Variants in RASSF3 observed in about 807,000 individuals in gnomAD.
RASSF3 encodes ras association domain-containing protein 3.
Under a neutral mutation model 19.9 loss-of-function variants are expected in RASSF3, and 19 were observed. That is an observed-to-expected ratio of 0.96 (90% CI 0.67 to 1.40). The LOEUF (loss-of-function observed/expected upper bound fraction) is 1.40. Ranked by LOEUF, RASSF3 falls within the 40% of genes most tolerant of loss-of-function variation. The pLI, the probability that RASSF3 is intolerant of heterozygous loss-of-function variation, is 0.00. For synonymous variants in RASSF3, 110 were observed against 104.2 expected (o/e 1.06, Z -0.34); for missense variants, 306 against 289.8 (o/e 1.06, Z -0.41).
chr12:64,579,990 T>G (rs1194415573), intron 2 of RASSF3, among the ~76,000 whole-genome samples: 1 of 151,954 alleles, frequency 6.6e-6, no homozygotes, highest in African/African-American at 2.4e-5. Flanking sequence ...AATTTTTGTT[T>G]TTTCAGTAGA....
At chr12:64,630,553 G>A (rs980547157) in intron 1 of RASSF3, among the ~76,000 whole-genome samples, 1 of 152,094 alleles carries the variant, frequency 6.6e-6, no homozygotes, top group African/African-American at 2.4e-5. Context: ...TAAAAAAAGG[G>A]TGCTTAGAAA....
intron 1 of RASSF3, among the ~76,000 whole-genome samples, chr12:64,666,719 G>A (rs1051896143): frequency 2.6e-5 from 4 of 152,006 alleles, no homozygotes; most frequent in African/African-American, 7.3e-5. Context: ...TCCTTATCCC[G>A]CCACTGTCCC....
At chr12:64,689,927 T>TA (rs1302800982) in intron 3 of RASSF3, among the ~76,000 whole-genome samples, 2 of 147,934 alleles carry the variant, frequency 1.4e-5, no homozygotes, top group East Asian at 2.0e-4. Context: ...AGCTGGGACT[T>TA]ACAGGCGCCC....
At chr12:64,674,469 A>G (rs1047612319) in intron 1 of RASSF3, among the ~76,000 whole-genome samples, 4 of 152,048 alleles carry the variant, frequency 2.6e-5, no homozygotes, top group African/African-American at 9.7e-5. Context: ...TAATCCCAAC[A>G]CTTTGGGAGG....
At chr12:64,636,083 G>A (rs1232285917) in intron 1 of RASSF3, among the ~76,000 whole-genome samples, 1 of 151,632 alleles carries the variant, frequency 6.6e-6, no homozygotes, top group African/African-American at 2.4e-5. Context: ...CAATTCCAAA[G>A]AAGTTGGGGG....
downstream of RASSF3, among the ~76,000 whole-genome samples, chr12:64,543,529 C>T (rs1459609596): frequency 2.1e-5 from 2 of 93,060 alleles, no homozygotes; most frequent in African/African-American, 7.2e-5. Context: ...CCCCCGCTCT[C>T]CCCCGCCCCC....
intron 2 of RASSF3, among the ~76,000 whole-genome samples, chr12:64,586,505 A>AAAAAAAAAAAAAAAAAAC (rs1869805143): frequency 6.6e-6 from 1 of 150,568 alleles, no homozygotes; most frequent in African/African-American, 2.4e-5. Flanking sequence ...AAAAAAAAAA[A>AAAAAAAAAAAAAAAAAAC]AAAAAAAAAA....
At chr12:64,542,787 G>A (rs1868955840), downstream of RASSF3, among the ~76,000 whole-genome samples, 1 of 152,164 alleles carries the variant, frequency 6.6e-6, no homozygotes, top group South Asian at 2.1e-4. Context: ...GGCAGCCCTC[G>A]CTCGCTCTTG....
intron 1 of RASSF3, among the ~76,000 whole-genome samples, chr12:64,537,211 T>A (rs1271219898): frequency 6.6e-6 from 1 of 152,214 alleles, no homozygotes; most frequent in Non-Finnish European, 1.5e-5. Flanking sequence ...TATTCTCTCC[T>A]TGCCCTAGTT....
chr12:64,516,998 C>T (rs1351060742), intron 1 of RASSF3, among the ~76,000 whole-genome samples: 4 of 51,968 alleles, frequency 7.7e-5, no homozygotes, highest in African/African-American at 2.8e-4. Context: ...AAATCTGTCT[C>T]AAAAAAAAAA....
At chr12:64,630,412 GCTA>G (rs1245205065) in intron 1 of RASSF3, among the ~76,000 whole-genome samples, 1 of 152,172 alleles carries the variant, frequency 6.6e-6, no homozygotes, top group Non-Finnish European at 1.5e-5. Context: ...TGTAGTCCCA[GCTA>G]TTTGGGAGGC....
chr12:64,625,439 T>C (rs1444658362), intron 1 of RASSF3, among the ~76,000 whole-genome samples: 1 of 150,756 alleles, frequency 6.6e-6, no homozygotes, highest in Admixed American at 6.6e-5. Flanking sequence ...GTTAACACAT[T>C]GTACACTTTT....
chr12:64,543,375 AGGG>A (rs1868976011), downstream of RASSF3, among the ~76,000 whole-genome samples: 1 of 126,660 alleles, frequency 7.9e-6, no homozygotes, highest in South Asian at 2.7e-4. Flanking sequence ...CCCACGGGGC[AGGG>A]CTCGGGACCT....
chr12:64,597,834 T>C (rs896505638), intron 2 of RASSF3, among the ~76,000 whole-genome samples: 4 of 152,194 alleles, frequency 2.6e-5, no homozygotes, highest in African/African-American at 7.2e-5. Context: ...CTCCCTGAAC[T>C]TCCTATTCTA....
intron 2 of RASSF3, among the ~76,000 whole-genome samples, chr12:64,687,448 GT>G (rs77732833): frequency 1.4e-5 from 2 of 147,994 alleles, no homozygotes; most frequent in South Asian, 2.2e-4. Context: ...GTTTGAATTT[GT>G]TTTTTTTTGT....
intron 2 of RASSF3, among the ~76,000 whole-genome samples, chr12:64,557,259 T>G (rs1869271186): frequency 6.6e-6 from 1 of 152,114 alleles, no homozygotes; most frequent in Non-Finnish European, 1.5e-5. Flanking sequence ...ATCATGCTGT[T>G]TTGAGACTGG....
At chr12:64,648,173 T>C (rs1871807454) in intron 1 of RASSF3, among the ~76,000 whole-genome samples, 1 of 152,228 alleles carries the variant, frequency 6.6e-6, no homozygotes, top group South Asian at 2.1e-4. Flanking sequence ...GGTACATGTG[T>C]GACAGGCATA....
chr12:64,635,171 C>G (rs376570028), intron 1 of RASSF3, among the ~76,000 whole-genome samples: 4 of 152,112 alleles, frequency 2.6e-5, no homozygotes, highest in East Asian at 1.9e-4. Context: ...CAAGGCTGGT[C>G]TCAAGCTCCT....
At chr12:64,550,362 G>GAAAGA (rs976025648) in intron 2 of RASSF3, among the ~76,000 whole-genome samples, 1 of 151,976 alleles carries the variant, frequency 6.6e-6, no homozygotes, top group African/African-American at 2.4e-5. Context: ...GAAGAGAAGA[G>GAAAGA]AAAGAAAAGA....
Sources: allele counts gnomAD v4.1 joint callset (sites outside exome capture counted in the v4.1 genomes callset), GRCh38; gene constraint gnomAD v4.1.1; transcripts MANE v1.5; gene names NCBI Gene and HGNC (gene_info 2026-07-23, HGNC 2026-07-21).